TRIO: variants seen among roughly 807,000 people sequenced by gnomAD.
TRIO encodes the protein trio Rho guanine nucleotide exchange factor, also known as triple functional domain protein.
Under a neutral mutation model 351.9 loss-of-function variants are expected in TRIO, and 58 were observed. That is an observed-to-expected ratio of 0.16 (90% CI 0.13 to 0.21). The LOEUF is 0.21. Ranked by LOEUF, TRIO falls within the 10% of genes least tolerant of loss-of-function variation. The pLI is 1.00. For synonymous variants in TRIO, 1,758 were observed against 1,595.7 expected, an observed-to-expected ratio of 1.10 and a Z score of -2.42; for missense variants, 3,201 against 4,027.8, an observed-to-expected ratio of 0.79 and a Z score of 5.56.
At chr5:14,202,293 G>GTTTTTTTTT (rs1561196197) in intron 1 of TRIO, among the ~76,000 whole-genome samples, 4 of 34,350 alleles carry the variant, frequency 1.2e-4, no homozygotes, top group African/African-American at 4.0e-4. Flanking sequence ...ATATTTTTGT[G>GTTTTTTTTT]ATTTTTTTTT....
At chr5:14,297,374 A>T in intron 7 of TRIO, 111 bp downstream of exon 7, 2 of 1,268,030 alleles carry the variant, frequency 1.6e-6, no homozygotes, top group Non-Finnish European at 2.1e-6. Context: ...TGAGCTCCGC[A>T]TGTGAGCTCT....
At chr5:14,282,558 C>T (rs1374967857) in intron 3 of TRIO, among the ~76,000 whole-genome samples, 1 of 149,982 alleles carries the variant, frequency 6.7e-6, no homozygotes, top group Non-Finnish European at 1.5e-5. Context: ...ATCTGGATGA[C>T]CCACTTTAAA....
At chr5:14,150,072 C>G (rs573357821) in intron 1 of TRIO, among the ~76,000 whole-genome samples, 2 of 152,232 alleles carry the variant, frequency 1.3e-5, no homozygotes, top group Non-Finnish European at 2.9e-5. Context: ...TGCTCCATTA[C>G]TGGCTTACTG....
intron 6 of TRIO, among the ~76,000 whole-genome samples, chr5:14,296,143 A>C (rs1737342405): frequency 6.6e-6 from 1 of 152,028 alleles, no homozygotes; most frequent in Admixed American, 6.6e-5. Context: ...AAGGGGGAAA[A>C]ACGTAGGGAA....
At chr5:14,432,712 A>T (rs1751266258) in intron 34 of TRIO, among the ~76,000 whole-genome samples, 1 of 152,236 alleles carries the variant, frequency 6.6e-6, no homozygotes. Flanking sequence ...AATAAATGGA[A>T]AAAGCAATCA....
chr5:14,372,923 A>G (rs1257360321), intron 18 of TRIO, among the ~76,000 whole-genome samples: 1 of 152,212 alleles, frequency 6.6e-6, no homozygotes, highest in African/African-American at 2.4e-5. Context: ...AATTTATAAA[A>G]GAAAGAGGTT....
intron 1 of TRIO, among the ~76,000 whole-genome samples, chr5:14,161,202 G>A (rs1193229706): frequency 6.6e-6 from 1 of 152,148 alleles, no homozygotes; most frequent in Non-Finnish European, 1.5e-5. Context: ...ACCATGCCTG[G>A]CTCAAACACA....
At chr5:14,296,620 A>G (rs1333282105) in intron 6 of TRIO, among the ~76,000 whole-genome samples, 4 of 152,226 alleles carry the variant, frequency 2.6e-5, no homozygotes. Context: ...GCTTGCTTTC[A>G]CACAAATAGC....
chr5:14,475,739 G>A (rs1399369102), intron 40 of TRIO, among the ~76,000 whole-genome samples: 1 of 152,190 alleles, frequency 6.6e-6, no homozygotes, highest in Non-Finnish European at 1.5e-5. Context: ...CTACTTCCAA[G>A]GCTAGTTTTT....
chr5:14,444,704 C>A (rs940029270), intron 34 of TRIO, among the ~76,000 whole-genome samples: 2 of 152,148 alleles, frequency 1.3e-5, no homozygotes, highest in South Asian at 4.1e-4. Context: ...TAATTTTGTT[C>A]CCTTGCTTCC....
intron 3 of TRIO, among the ~76,000 whole-genome samples, chr5:14,281,961 A>G (rs1198747946): frequency 6.6e-6 from 1 of 152,198 alleles, no homozygotes; most frequent in African/African-American, 2.4e-5. Flanking sequence ...GGTTGACACA[A>G]GCGGGACAAG....
rs2126683415 is a variant in TRIO at position 14,498,633 on chromosome 5, G to T, written c.8325G>T (p.Arg2775Ser). ...CAGCCTCATCGTCGGCCAGCCTGAGGGTCCTAGGTAAGCACCGTGCAACGA... is the reference window on the plus strand; with the variant it reads ...CAGCCTCATCGTCGGCCAGCCTGAGTGTCCTAGGTAAGCACCGTGCAACGA... ...MGSASSSASL[R>S]VLGPGMDGIM... Residue 2775 changes from arginine (R) to serine (S), a missense_variant, in exon 53 of 57, where the codon AGG becomes AGT. Arg to Ser is a moderately radical substitution (Grantham distance 110). Transcript: ENST00000344204. 1 of 1,613,834 alleles carries T rather than the reference G, an allele frequency of 6.2e-7. No individual in the cohort carries two copies. The highest frequency in any genetic ancestry group is 8.5e-7 in the Non-Finnish European group (1 of 1,179,716).
In TRIO at chr5:14,508,003, G is replaced by T. The variant is rs780863165; in HGVS notation, c.8875G>T (p.Ala2959Ser). 9.9e-6 allele frequency: 16 copies of T among 1,614,036 alleles called. No individual in the cohort carries two copies. Among genetic ancestry groups the T allele is most frequent in the Non-Finnish European group, 1.3e-5 (15 of 1,180,034 alleles). Reference protein sequence around the residue: ...IHQLLGNPEFAAPEIILGNPV... With the variant: ...IHQLLGNPEFSAPEIILGNPV... ...CCAGTTACTGGGGAACCCTGAATTC[G>T]CAGCCCCTGAAATCATCCTCGGGAA... The change falls in exon 57 of 57, where the codon GCA becomes TCA. Residue 2959 changes from alanine (A) to serine (S), a missense_variant. Around this residue, in one of 19 missense-constraint regions of TRIO, gnomAD observed 233 missense variants for 292.6 expected, o/e 0.80. Coordinates refer to ENST00000344204, the MANE Select transcript of TRIO (RefSeq NM_007118.4).
chr5:14,421,565 T>C (rs1485887395), intron 34 of TRIO, among the ~76,000 whole-genome samples: 3 of 147,874 alleles, frequency 2.0e-5, no homozygotes. Context: ...GATCGCACCA[T>C]TGCACTCCAG....
At chr5:14,296,980 C>T in intron 6 of TRIO, 92 bp from the exon 7 acceptor site, 1 of 1,072,486 alleles carries the variant, frequency 9.3e-7, no homozygotes, top group Non-Finnish European at 1.4e-6. Flanking sequence ...TGTTAGAAGC[C>T]TGTGTTTCAG....
At chr5:14,433,497 G>A (rs1057472944) in intron 34 of TRIO, among the ~76,000 whole-genome samples, 7 of 152,222 alleles carry the variant, frequency 4.6e-5, no homozygotes, top group African/African-American at 1.4e-4. Context: ...AGCCAGCACT[G>A]TGGACATATT....
intron 1 of TRIO, among the ~76,000 whole-genome samples, chr5:14,170,737 TTCAGTGA>T (rs1423550675): frequency 6.6e-6 from 1 of 152,110 alleles, no homozygotes; most frequent in Non-Finnish European, 1.5e-5. Context: ...AACTCCTGAC[TTCAGTGA>T]TCCTCTCGCC....
At chr5:14,503,521 G>T (rs1024231661) in intron 54 of TRIO, among the ~76,000 whole-genome samples, 2 of 152,214 alleles carry the variant, frequency 1.3e-5, no homozygotes, top group East Asian at 3.9e-4. Context: ...CGTGTCAGAG[G>T]CGTTGTCTGG....
At chr5:14,495,116 A>G (rs1756780224) in intron 49 of TRIO, among the ~76,000 whole-genome samples, 1 of 152,206 alleles carries the variant, frequency 6.6e-6, no homozygotes, top group African/African-American at 2.4e-5. Context: ...ACCCTCATGG[A>G]TGACTTTGAA....
Sources: gnomAD v4.1 joint callset for allele counts (sites outside exome capture counted in the v4.1 genomes callset) on GRCh38, gnomAD v4.1.1 for gene constraint, gnomAD v4.1.1 regional missense constraint, MANE v1.5 for transcripts, NCBI Gene and HGNC (gene_info 2026-07-23, HGNC 2026-07-21) for gene names.